ANO7: variants seen among roughly 807,000 people sequenced by gnomAD.
The protein encoded by ANO7 is anoctamin 7.
In ANO7, 114 loss-of-function variants were observed where a neutral mutation model predicts 115.8. The observed-to-expected ratio is 0.98, with a 90% CI of 0.85 to 1.15. The LOEUF (loss-of-function observed/expected upper bound fraction) is 1.15, where lower values mean the gene tolerates loss of function less well. Ranked by LOEUF, ANO7 falls within the 50% of genes most tolerant of loss-of-function variation. The probability of loss-of-function intolerance (pLI) is 0.00; values close to 1 mark genes in which losing one functional copy is unlikely to be tolerated. For synonymous variants in ANO7, 550 were observed against 498.2 expected (o/e 1.10, Z -1.38); for missense variants, 1,302 against 1,201.2 (o/e 1.08, Z -1.24).
At chr2:241,229,562 G>A (rs1321434441), downstream of ANO7, 3 of 1,483,854 alleles carry the variant, frequency 2.0e-6, no homozygotes, top group East Asian at 2.3e-5. Context: ...GGTTGGGTTT[G>A]GGTCAGCAGG....
In ANO7 at chr2:241,190,191, T is replaced by G; in HGVS notation, c.108+20T>G. 1.9e-6 allele frequency: 3 copies of G among 1,544,134 alleles called. No individual in the cohort carries two copies. The highest frequency in any genetic ancestry group is 1.8e-6 in the Non-Finnish European group (2 of 1,141,562). ...TCGGAGGTAACAGCACCCAGGAGAC[T>G]GTGGTGCGACTTGAGAGGTCCTCCC... On this transcript the variant is annotated intron_variant, in intron 2 of 24. Coordinates refer to ENST00000674324, the MANE Select transcript of ANO7 (RefSeq NM_001370694.2).
Position 241,188,866 on chromosome 2 carries a change from C to T in ANO7, c.-8+100C>T, listed in dbSNP as rs2068119486. On this transcript the variant is annotated intron_variant, in intron 1 of 24. Transcript: ENST00000674324. The surrounding 1 kb of genome is among the most constrained non-coding windows in gnomAD (Gnocchi z 4.3). ...CCCAGCCCACCGGGACTTTCACACACCCTGGCCTGTGGGGAGGCAGTGCCA... is the reference window on the plus strand; with the variant it reads ...CCCAGCCCACCGGGACTTTCACACATCCTGGCCTGTGGGGAGGCAGTGCCA... The T allele has an allele frequency of 6.8e-7, 1 of 1,465,606 alleles. No individual in the cohort carries two copies. The highest frequency in any genetic ancestry group is 9.1e-7 in the Non-Finnish European group (1 of 1,096,168). 90.8% of individuals were successfully genotyped at this position (1,465,606 alleles called of 1,614,324 possible).
chr2:241,236,626 C>T, the ANO7 span: 19 of 1,614,038 alleles, frequency 1.2e-5, no homozygotes, highest in East Asian at 3.6e-4. Flanking sequence ...TCCAGAGCTT[C>T]CTTGGCAGCC....
At position 241,223,697 on chromosome 2, in the gene ANO7, C is replaced by T; in HGVS notation, c.2448C>T (p.Leu816=). The change falls in exon 23 of 25, where the codon CTC becomes CTT. Residue 816 remains leucine (L), a synonymous_variant. Coordinates refer to ENST00000674324, the MANE Select transcript of ANO7 (RefSeq NM_001370694.2). The stretch of plus-strand genomic sequence containing the variant: ...TCTCCGTTGGCCGCCTCCTGGACCT[C>T]CTGGTGCCTGACATCCCAGAGTCTG... ...VVFSVGRLLD[L]LVPDIPESVE... is the part of the protein sequence containing the mutation. 6.2e-7 allele frequency: 1 copy of T among 1,614,018 alleles called. No homozygotes were observed. The highest frequency in any genetic ancestry group is 8.5e-7 in the Non-Finnish European group (1 of 1,179,934).
rs551629346 is a variant in ANO7 at position 241,223,497 on chromosome 2, C to T, written c.2413-165C>T. The T allele has an allele frequency of 1.5e-4, 173 of 1,192,768 alleles. 4 individuals are homozygous for T. In the South Asian group the frequency reaches 2.2e-3, roughly 15 times the overall value. 73.9% of individuals were successfully genotyped at this position (1,192,768 alleles called of 1,614,324 possible). A position where few individuals can be genotyped will look rare whatever the true frequency, so the allele number is the denominator to read the frequency against. On this transcript the variant is annotated intron_variant, in intron 22 of 24. Transcript: ENST00000674324. ...TGTCTCCACAGGAGCCCCAGGGCCA[C>T]GAAAGCTGGGGTGGCCTCTGCCCCT...
At chr2:241,217,314 A>G (rs1009812073) in intron 19 of ANO7, among the ~76,000 whole-genome samples, 2 of 152,256 alleles carry the variant, frequency 1.3e-5, no homozygotes, top group Non-Finnish European at 2.9e-5. Flanking sequence ...GCGAAGACCC[A>G]GAAGCCCCTT....
rs539961365 is a variant in ANO7 at position 241,217,725 on chromosome 2, G to A, written c.2012G>A (p.Cys671Tyr). ...FGFVTIFVAACPLAPLFALLN... is the reference protein window; with the variant it reads ...FGFVTIFVAAYPLAPLFALLN... ...TTCGTCACCATCTTCGTGGCCGCCT[G>A]TCCGCTCGCGCCGCTCTTCGCCCTG... Residue 671 changes from cysteine (C) to tyrosine (Y), a missense_variant, in exon 20 of 25, where the codon TGT becomes TAT. Physicochemically the swap from Cys to Tyr is radical, Grantham distance 194 (BLOSUM62 -2). Transcript: ENST00000674324. 1 of 1,600,390 alleles carries A rather than the reference G, an allele frequency of 6.2e-7. No individual in the cohort carries two copies. Among genetic ancestry groups the A allele is most frequent in the East Asian group, 2.2e-5 (1 of 44,454 alleles).
intron 11 of ANO7, among the ~76,000 whole-genome samples, chr2:241,208,864 A>G (rs28740905): frequency 0.11 from 16,224 of 152,184 alleles, 1,657 homozygotes; most frequent in African/African-American, 0.27. Context: ...AAACACAGTC[A>G]GGGGGCTGGG....
At chr2:241,191,563 T>G (rs2149098614) in intron 3 of ANO7, among the ~76,000 whole-genome samples, 1 of 151,872 alleles carries the variant, frequency 6.6e-6, no homozygotes, top group Non-Finnish European at 1.5e-5. Flanking sequence ...CTCAGGTCAT[T>G]TCTGACTCTT....
the ANO7 span, among the ~76,000 whole-genome samples, chr2:241,237,859 T>G: frequency 6.6e-6 from 1 of 152,204 alleles, no homozygotes; most frequent in South Asian, 2.1e-4. Flanking sequence ...CAGAGTGCAG[T>G]ATGAGTTTAT....
At chr2:241,199,129 G>A in intron 4 of ANO7, 187 bp from the exon 5 acceptor site, 1 of 588,546 alleles carries the variant, frequency 1.7e-6, no homozygotes, top group South Asian at 1.9e-5. Flanking sequence ...GGGCTGTCGA[G>A]GCCCGGTTGG....
intron 4 of ANO7, chr2:241,196,229 A>G (rs748721917): frequency 1.0e-4 from 107 of 1,027,336 alleles, no homozygotes; most frequent in Admixed American, 4.7e-5. Context: ...GTCCTTTCAC[A>G]TGTTTGCTTT....
intron 21 of ANO7, among the ~76,000 whole-genome samples, chr2:241,222,621 T>C (rs1209135308): frequency 6.6e-6 from 1 of 152,206 alleles, no homozygotes; most frequent in Non-Finnish European, 1.5e-5. Flanking sequence ...AAGTTGACCC[T>C]GGTAATAGTT....
chr2:241,223,378 C>A, intron 22 of ANO7, 102 bp downstream of exon 22: 1 of 1,308,852 alleles, frequency 7.6e-7, no homozygotes, highest in Non-Finnish European at 1.1e-6. Flanking sequence ...CCGTCACTTC[C>A]TGCTGTGTCA....
intron 7 of ANO7, among the ~76,000 whole-genome samples, 165 bp downstream of exon 7, chr2:241,201,520 AC>A (rs1242845960): frequency 6.6e-6 from 1 of 152,144 alleles, no homozygotes; most frequent in African/African-American, 2.4e-5. Flanking sequence ...ACCTCGCTAC[AC>A]AGGGCAGGCC....
the ANO7 span, chr2:241,236,799 A>ACAGCTGC: frequency 1.9e-6 from 3 of 1,610,248 alleles, no homozygotes; most frequent in Non-Finnish European, 2.5e-6. Flanking sequence ...GGGACAGCTG[A>ACAGCTGC]CAGCTGCTGG....
At chr2:241,195,094 T>TG (rs1466791573) in intron 3 of ANO7, among the ~76,000 whole-genome samples, 2 of 152,212 alleles carry the variant, frequency 1.3e-5, no homozygotes, top group African/African-American at 4.8e-5. Flanking sequence ...GGCTCCGTCT[T>TG]CTTCCCAAGC....
At chr2:241,200,653 C>T (rs1183897370) in intron 6 of ANO7, among the ~76,000 whole-genome samples, 1 of 152,256 alleles carries the variant, frequency 6.6e-6, no homozygotes, top group Non-Finnish European at 1.5e-5. Flanking sequence ...GTCGTCCACA[C>T]ACATTACTAC....
Position 241,191,469 on chromosome 2 carries a change from C to T in ANO7, c.166+218C>T, listed in dbSNP as rs557627875. On this transcript the variant is annotated intron_variant, in intron 3 of 24. Transcript: ENST00000674324. ...GGGCTCCCTACTGATGGGGTGGGGC[C>T]GGAAGGGCTCTGGAGAGTGGACAGG... Among the ~76,000 whole-genome samples, 6 of 152,224 alleles carry T rather than the reference C, an allele frequency of 3.9e-5. No homozygotes were observed. The South Asian group carries it at 6.2e-4, about 16-fold the overall frequency.
Sources: allele counts gnomAD v4.1 joint callset (sites outside exome capture counted in the v4.1 genomes callset), GRCh38; gene constraint gnomAD v4.1.1; non-coding constraint Gnocchi (gnomAD v3.1); transcripts MANE v1.5; gene names NCBI Gene and HGNC (gene_info 2026-07-23, HGNC 2026-07-21).